The following NCOR1 variants were observed in gnomAD, a reference collection of about 807,000 sequenced individuals.
The protein encoded by NCOR1 is protein phosphatase 1, regulatory subunit 109.
In NCOR1, 63 loss-of-function variants were observed where a neutral mutation model predicts 288.1. That is an observed-to-expected ratio of 0.22 (90% CI 0.18 to 0.27). The LOEUF (loss-of-function observed/expected upper bound fraction) is 0.27, where lower values mean the gene tolerates loss of function less well. NCOR1 is among the 10% of genes least tolerant of loss of function. The pLI, the probability that NCOR1 is intolerant of heterozygous loss-of-function variation, is 1.00. For missense variants in NCOR1, 2,397 were observed against 3,019.2 expected, an observed-to-expected ratio of 0.79 and a Z score of 4.83; for synonymous variants, 1,007 against 1,065.9, an observed-to-expected ratio of 0.94 and a Z score of 1.08.
chr17:16,184,751 G>A (rs1219778044), intron 3 of NCOR1, among the ~76,000 whole-genome samples: 1 of 152,020 alleles, frequency 6.6e-6, no homozygotes. Flanking sequence ...ATCTTGTAAA[G>A]GTAAATGCAC....
At chr17:16,077,524 A>AGGAGAGGGGAGG (rs2062708440) in intron 26 of NCOR1, among the ~76,000 whole-genome samples, 2 of 6,078 alleles carry the variant, frequency 3.3e-4, no homozygotes, top group Non-Finnish European at 5.4e-4. Context: ...GGAGGGGGGG[A>AGGAGAGGGGAGG]GGAGGGGGAG....
At chr17:16,209,545 AC>A (rs2091916714) in intron 1 of NCOR1, among the ~76,000 whole-genome samples, 1 of 151,722 alleles carries the variant, frequency 6.6e-6, no homozygotes, top group African/African-American at 2.4e-5. Flanking sequence ...AAACAATCAG[AC>A]CCCATCTCTA....
chr17:16,086,847 A>G (rs777801011), intron 22 of NCOR1, among the ~76,000 whole-genome samples: 2 of 152,222 alleles, frequency 1.3e-5, no homozygotes, highest in African/African-American at 2.4e-5. Context: ...TGCATCTTGC[A>G]TATTGAGAAA....
In NCOR1 at chr17:16,068,386, A is replaced by G. The variant is rs764010013; in HGVS notation, c.4514-265T>C. ...ATTTTACCACCTTATGTAACATTAA[A>G]AATAAAATTCAATACTCTTCTTTAA... On this transcript the variant is annotated intron_variant, in intron 31 of 45. Coordinates refer to ENST00000268712, the MANE Select transcript of NCOR1 (RefSeq NM_006311.4). The G allele has an allele frequency of 7.7e-5, 30 of 388,184 alleles. No homozygotes were observed. The Admixed American group carries it at 1.0e-3, about 13-fold the overall frequency. The allele number at this position is 388,184 out of a possible 1,614,324, so 24.0% of individuals were successfully genotyped here.
At chr17:16,145,610 C>A (rs1022696346) in intron 10 of NCOR1, among the ~76,000 whole-genome samples, 3 of 150,480 alleles carry the variant, frequency 2.0e-5, no homozygotes, top group African/African-American at 7.3e-5. Flanking sequence ...ACGTGAGGAG[C>A]CCCTCTGCCC....
At chr17:16,179,201 G>A (rs760124951) in intron 3 of NCOR1, among the ~76,000 whole-genome samples, 2 of 151,848 alleles carry the variant, frequency 1.3e-5, no homozygotes, top group African/African-American at 4.8e-5. Context: ...TAAAATTGCT[G>A]AAATCAGAAA....
At chr17:16,172,244 T>C (rs1160080609) in intron 3 of NCOR1, among the ~76,000 whole-genome samples, 2 of 152,058 alleles carry the variant, frequency 1.3e-5, no homozygotes, top group Non-Finnish European at 2.9e-5. Flanking sequence ...TAATCCCAGC[T>C]ACTCGGGAGG....
At chr17:16,176,892 T>C (rs890537014) in intron 3 of NCOR1, among the ~76,000 whole-genome samples, 1 of 152,060 alleles carries the variant, frequency 6.6e-6, no homozygotes, top group Non-Finnish European at 1.5e-5. Flanking sequence ...GAACAAGATA[T>C]GTTTTATCAA....
At chr17:16,091,504 C>A in intron 22 of NCOR1, 1 of 967,224 alleles carries the variant, frequency 1.0e-6, no homozygotes, top group East Asian at 6.7e-5. Context: ...GTGAATATTA[C>A]ACTGTAATAC....
chr17:16,114,374 C>T (rs527469989), intron 18 of NCOR1, among the ~76,000 whole-genome samples: 11 of 152,134 alleles, frequency 7.2e-5, no homozygotes, highest in African/African-American at 2.4e-4. Context: ...CTGCCGCTGG[C>T]CCCTCCCACA....
intron 1 of NCOR1, among the ~76,000 whole-genome samples, chr17:16,214,868 C>T (rs1047985660): frequency 6.6e-6 from 1 of 152,356 alleles, no homozygotes; most frequent in South Asian, 2.1e-4. Context: ...CGCCATTACA[C>T]CCTGAAGCGG....
intron 3 of NCOR1, among the ~76,000 whole-genome samples, chr17:16,185,543 G>C (rs1477091461): frequency 6.6e-6 from 1 of 151,760 alleles, no homozygotes; most frequent in African/African-American, 2.4e-5. Flanking sequence ...AGTTAGCTGG[G>C]TGTGGTGTGT....
intron 44 of NCOR1, among the ~76,000 whole-genome samples, chr17:16,038,379 G>A (rs1247785997): frequency 1.3e-5 from 2 of 152,092 alleles, no homozygotes; most frequent in African/African-American, 4.8e-5. Context: ...ACAAGCATTA[G>A]CATTCCGGAT....
chr17:16,200,637 G>C (rs1430261548), intron 1 of NCOR1, among the ~76,000 whole-genome samples: 1 of 151,952 alleles, frequency 6.6e-6, no homozygotes, highest in African/African-American at 2.4e-5. Flanking sequence ...GCAGAAAAAG[G>C]ATCCCACAAA....
chr17:16,135,867 G>T (rs1382360160), intron 14 of NCOR1, among the ~76,000 whole-genome samples: 3 of 152,204 alleles, frequency 2.0e-5, no homozygotes, highest in Non-Finnish European at 4.4e-5. Flanking sequence ...CGAAGAAAGG[G>T]AGTAAGACCC....
intron 14 of NCOR1, among the ~76,000 whole-genome samples, chr17:16,130,873 G>A (rs2075502200): frequency 6.6e-6 from 1 of 151,150 alleles, no homozygotes; most frequent in Non-Finnish European, 1.5e-5. Context: ...ATTTTTTGTA[G>A]AGATGAGGTT....
chr17:16,203,585 G>T (rs1035337240), intron 1 of NCOR1, among the ~76,000 whole-genome samples: 1 of 152,024 alleles, frequency 6.6e-6, no homozygotes, highest in African/African-American at 2.4e-5. Flanking sequence ...TTCCTTTATA[G>T]GTTTATCATA....
At chr17:16,114,159 A>AAAAAAAC (rs2071022792) in intron 18 of NCOR1, among the ~76,000 whole-genome samples, 1 of 147,822 alleles carries the variant, frequency 6.8e-6, no homozygotes, top group Admixed American at 6.8e-5. Flanking sequence ...AAAAAAAAAA[A>AAAAAAAC]AAAAAAAAAA....
rs2067645601 is a variant in NCOR1, at chr17:16,101,628, C to T, written c.2312G>A (p.Ser771Asn). 1 of 1,614,170 alleles carries T rather than the reference C, an allele frequency of 6.2e-7. No individual in the cohort carries two copies. The highest frequency in any genetic ancestry group is 8.5e-7 in the Non-Finnish European group (1 of 1,180,022). Residue 771 changes from serine (S) to asparagine (N), a missense_variant, in exon 20 of 46, where the codon AGT becomes AAT. Transcript: ENST00000268712. ...PSTSPSLAVP[S>N]TKPAEDESVE... ...ACTTTCATCTTCAGCTGGTTTTGTACTTGGAACTGCTAAGGAGGGAGATGT... is the reference window on the plus strand; with the variant it reads ...ACTTTCATCTTCAGCTGGTTTTGTATTTGGAACTGCTAAGGAGGGAGATGT...
Sources: allele counts gnomAD v4.1 joint callset (sites outside exome capture counted in the v4.1 genomes callset), GRCh38; gene constraint gnomAD v4.1.1; transcripts MANE v1.5; gene names NCBI Gene and HGNC (gene_info 2026-07-23, HGNC 2026-07-21).